The following BICRAL variants were observed in gnomAD, a reference collection of about 807,000 sequenced individuals.
BICRAL encodes BRD4-interacting chromatin-remodeling complex-associated protein-like.
Under a neutral mutation model 91.8 loss-of-function variants are expected in BICRAL, and 8 were observed. The ratio of observed to expected loss-of-function variants is 0.09; its 90% CI spans 0.05 to 0.16. The LOEUF (loss-of-function observed/expected upper bound fraction) is 0.16. Ranked by LOEUF, BICRAL falls within the 10% of genes least tolerant of loss-of-function variation. BICRAL has a pLI of 1.00. For missense variants in BICRAL, 1,038 were observed against 1,310.9 expected, an observed-to-expected ratio of 0.79 and a Z score of 3.21; for synonymous variants, 445 against 491.1, an observed-to-expected ratio of 0.91 and a Z score of 1.24.
chr6:42,747,129 A>T (rs1341753490), intron 1 of BICRAL: 2 of 152,102 alleles, frequency 1.3e-5, no homozygotes, highest in East Asian at 1.9e-4. Flanking sequence ...GGGATTTGTC[A>T]CCGGAAGTGA....
intron 5 of BICRAL, among the ~76,000 whole-genome samples, chr6:42,827,806 AC>A (rs774502026): frequency 6.6e-6 from 1 of 152,142 alleles, no homozygotes; most frequent in Non-Finnish European, 1.5e-5. Flanking sequence ...GATCTCATGA[AC>A]CCAGGAGTTC....
intron 10 of BICRAL, among the ~76,000 whole-genome samples, chr6:42,857,802 ATTTT>A (rs1161596399): frequency 1.4e-5 from 1 of 73,664 alleles, no homozygotes; most frequent in Admixed American, 1.7e-4. Context: ...CATACCCTGA[ATTTT>A]TTTTTTTTTT....
intron 1 of BICRAL, among the ~76,000 whole-genome samples, chr6:42,801,952 C>T (rs968070031): frequency 2.0e-5 from 3 of 152,028 alleles, no homozygotes; most frequent in Non-Finnish European, 1.5e-5. Flanking sequence ...ACATAAATGA[C>T]TTAGATAAAT....
chr6:42,826,176 T>G (rs924422189), intron 5 of BICRAL, among the ~76,000 whole-genome samples: 13 of 151,490 alleles, frequency 8.6e-5, no homozygotes, highest in African/African-American at 3.2e-4. Flanking sequence ...TACACAGCCA[T>G]GAGTTGCAGA....
rs1314180810 is a variant in BICRAL, at chr6:42,755,433, G to A, written c.-261+8410G>A. Among the ~76,000 whole-genome samples, 5 of 152,110 alleles carry A rather than the reference G, an allele frequency of 3.3e-5. No homozygotes were observed. The East Asian group carries it at 9.6e-4, about 29-fold the overall frequency. ...CATGCATTTCCTATAAAACTCTTTA[G>A]AAGTGAACACCATTCTCCCCAAGAC... On this transcript the variant is annotated intron_variant, in intron 1 of 14. Transcript: ENST00000614467.
intron 1 of BICRAL, among the ~76,000 whole-genome samples, chr6:42,764,614 G>A (rs1458411792): frequency 1.3e-5 from 2 of 151,750 alleles, no homozygotes; most frequent in Non-Finnish European, 2.9e-5. Flanking sequence ...ACACATACAC[G>A]ACTTGAGAGA....
chr6:42,853,076 A>G (rs1356147165), intron 7 of BICRAL, among the ~76,000 whole-genome samples: 2 of 151,898 alleles, frequency 1.3e-5, no homozygotes, highest in African/African-American at 4.8e-5. Flanking sequence ...AAAAAAAAAA[A>G]AAAAAAGAAA....
At chr6:42,830,438 C>T (rs1285444677) in intron 6 of BICRAL, among the ~76,000 whole-genome samples, 1 of 151,996 alleles carries the variant, frequency 6.6e-6, no homozygotes, top group East Asian at 1.9e-4. Flanking sequence ...TGGTGGTGCA[C>T]ACCTGTAGTC....
chr6:42,753,863 C>T (rs569045530), intron 1 of BICRAL, among the ~76,000 whole-genome samples: 1 of 152,188 alleles, frequency 6.6e-6, no homozygotes, highest in Non-Finnish European at 1.5e-5. Context: ...CTGCCCGCCT[C>T]AGCTTCCCAA....
chr6:42,798,386 A>AC lies in BICRAL; in HGVS notation c.-101-11920_-101-11919insC, dbSNP rs201464099. Among the ~76,000 whole-genome samples the AC allele has an allele frequency of 8.3e-3, 958 of 114,890 alleles. 48 individuals are homozygous for AC. The East Asian group carries it at 0.15, about 18-fold the overall frequency. 75.4% of individuals were successfully genotyped at this position (114,890 alleles called of 152,430 possible). ...GTCACATAAACTAGAAAAAGAAAAA[A>AC]AATTTTTTTAATTAGAAAAAAAAAG... On this transcript the variant is annotated intron_variant, in intron 1 of 12. Transcript: ENST00000314073.
At chr6:42,835,650 G>T (rs1038296088) in intron 6 of BICRAL, among the ~76,000 whole-genome samples, 16 of 152,114 alleles carry the variant, frequency 1.1e-4, no homozygotes, top group Non-Finnish European at 2.4e-4. Flanking sequence ...AAGTTACTTG[G>T]GGCTGGTTGC....
intron 2 of BICRAL, among the ~76,000 whole-genome samples, chr6:42,818,480 G>A (rs748135636): frequency 1.3e-5 from 2 of 152,052 alleles, no homozygotes. Context: ...GGTATGAAGT[G>A]GAGGTATTTT....
intron 6 of BICRAL, among the ~76,000 whole-genome samples, chr6:42,831,332 T>A (rs1764470541): frequency 6.6e-6 from 1 of 152,178 alleles, no homozygotes; most frequent in Non-Finnish European, 1.5e-5. Context: ...TCAGTGTGAC[T>A]CAGTAGTGGG....
chr6:42,759,313 G>C (rs1181936542), intron 1 of BICRAL, among the ~76,000 whole-genome samples: 1 of 152,224 alleles, frequency 6.6e-6, no homozygotes, highest in East Asian at 1.9e-4. Flanking sequence ...AGGATGATGA[G>C]AGCATCACAT....
chr6:42,803,573 C>T (rs1184332456), intron 1 of BICRAL, among the ~76,000 whole-genome samples: 1 of 152,092 alleles, frequency 6.6e-6, no homozygotes, highest in Non-Finnish European at 1.5e-5. Context: ...CTTTGGAAAC[C>T]AGAATCTTAG....
intron 12 of BICRAL, among the ~76,000 whole-genome samples, chr6:42,863,922 C>T (rs982870082): frequency 4.6e-5 from 7 of 151,782 alleles, no homozygotes; most frequent in Non-Finnish European, 1.0e-4. Flanking sequence ...TCAGCACTTT[C>T]GGAGGCCGAG....
chr6:42,807,881 T>C (rs1763753709), intron 1 of BICRAL, among the ~76,000 whole-genome samples: 1 of 152,036 alleles, frequency 6.6e-6, no homozygotes, highest in African/African-American at 2.4e-5. Context: ...TCATCAGGAA[T>C]TACAGAATTT....
chr6:42,837,992 C>T (rs1264285592), intron 6 of BICRAL, among the ~76,000 whole-genome samples: 4 of 152,156 alleles, frequency 2.6e-5, no homozygotes, highest in Non-Finnish European at 4.4e-5. Context: ...TTCTGTTTTG[C>T]AGTATTTGCT....
chr6:42,834,012 G>T (rs1337175299), intron 6 of BICRAL, among the ~76,000 whole-genome samples: 1 of 151,364 alleles, frequency 6.6e-6, no homozygotes, highest in African/African-American at 2.4e-5. Flanking sequence ...GTACCACCAC[G>T]CCCAGCTAAT....
Sources: gnomAD v4.1 joint callset for allele counts (sites outside exome capture counted in the v4.1 genomes callset) on GRCh38, gnomAD v4.1.1 for gene constraint, MANE v1.5 for transcripts, NCBI Gene and HGNC (gene_info 2026-07-23, HGNC 2026-07-21) for gene names.